The following CYB5R4 variants were observed in gnomAD, a reference collection of about 807,000 sequenced individuals.
CYB5R4 encodes the protein cytochrome b5 reductase 4, also known as N-terminal cytochrome b5 and cytochrome b5 oxidoreductase domain-containing protein.
Under a neutral mutation model 70.2 loss-of-function variants are expected in CYB5R4, and 55 were observed. The ratio of observed to expected loss-of-function variants is 0.78; its 90% CI spans 0.63 to 0.98. The LOEUF is 0.98. Ranked by LOEUF, CYB5R4 falls within the 50% of genes least tolerant of loss-of-function variation. The pLI, the probability that CYB5R4 is intolerant of heterozygous loss-of-function variation, is 0.00. For synonymous variants in CYB5R4, 197 were observed against 199.5 expected (o/e 0.99, Z 0.11); for missense variants, 562 against 612.6 (o/e 0.92, Z 0.87).
chr6:83,944,081 G>A (rs1053004423), intron 14 of CYB5R4, among the ~76,000 whole-genome samples: 1 of 152,100 alleles, frequency 6.6e-6, no homozygotes, highest in Non-Finnish European at 1.5e-5. Context: ...AGGAAATACA[G>A]AGAACACCAC....
rs559977093 is a variant in CYB5R4 at position 83,930,041 on chromosome 6, A to G, written c.815-4554A>G. ...TATTTACATTATACTTTAGTCTGTTAAGTATGCAATAGCATTATGTCTTAA... is the reference window on the plus strand; with the variant it reads ...TATTTACATTATACTTTAGTCTGTTGAGTATGCAATAGCATTATGTCTTAA... On this transcript the variant is annotated intron_variant, in intron 10 of 15. Coordinates refer to ENST00000369681, the MANE Select transcript of CYB5R4 (RefSeq NM_016230.4). Among the ~76,000 whole-genome samples the G allele has an allele frequency of 2.2e-4, 34 of 152,306 alleles. No homozygotes were observed. The South Asian group carries it at 5.6e-3, about 25-fold the overall frequency.
At chr6:83,865,582 ATT>A (rs970535384) in intron 2 of CYB5R4, among the ~76,000 whole-genome samples, 13 of 152,126 alleles carry the variant, frequency 8.5e-5, no homozygotes, top group African/African-American at 2.9e-4. Flanking sequence ...CTGTGGTCAG[ATT>A]TTCTGTTTTT....
intron 2 of CYB5R4, among the ~76,000 whole-genome samples, chr6:83,890,170 A>G (rs190552899): frequency 2.1e-3 from 315 of 152,330 alleles, no homozygotes; most frequent in African/African-American, 7.0e-3. Context: ...GATTCCTCTG[A>G]TGGATCTGGG....
rs531779325 is a variant in CYB5R4 at position 83,936,334 on chromosome 6, C to T, written c.1066C>T (p.Pro356Ser). ...KYIYFLIKIYPTGLFTPELDR... is the reference protein window; with the variant it reads ...KYIYFLIKIYSTGLFTPELDR... ...CATCTACTTTTTGATAAAAATCTAT[C>T]CCACTGGACTCTTCACACCAGAGCT... The change falls in exon 12 of 16, where the codon CCC becomes TCC. Residue 356 changes from proline to serine, a missense_variant. Coordinates refer to ENST00000369681, the MANE Select transcript of CYB5R4 (RefSeq NM_016230.4). 1 of 1,611,210 alleles carries T rather than the reference C, an allele frequency of 6.2e-7. No homozygotes were observed. The highest frequency in any genetic ancestry group is 1.7e-5 in the Admixed American group (1 of 58,972).
At chr6:83,957,407 G>C (rs932089987) in intron 15 of CYB5R4, among the ~76,000 whole-genome samples, 12 of 152,006 alleles carry the variant, frequency 7.9e-5, no homozygotes, top group Non-Finnish European at 2.9e-5. Flanking sequence ...GATCACCTGA[G>C]GTCAGGAGTT....
chr6:83,939,989 C>T, intron 12 of CYB5R4, 67 bp from the exon 13 acceptor site: 5 of 1,218,086 alleles, frequency 4.1e-6, no homozygotes, highest in South Asian at 1.6e-5. Flanking sequence ...CTTAGTTTCC[C>T]CGCTGGGTTT....
intron 2 of CYB5R4, among the ~76,000 whole-genome samples, chr6:83,868,964 C>T (rs891348686): frequency 6.6e-6 from 1 of 152,166 alleles, no homozygotes; most frequent in African/African-American, 2.4e-5. Flanking sequence ...AAAAAGTTGA[C>T]TACAGCCAAA....
intron 2 of CYB5R4, among the ~76,000 whole-genome samples, chr6:83,893,158 G>A (rs9359573): frequency 0.15 from 23,357 of 152,078 alleles, 3,509 homozygotes; most frequent in African/African-American, 0.37. Flanking sequence ...GTAATGCAGC[G>A]CATTAAGTGT....
chr6:83,951,608 A>G (rs544092755), intron 14 of CYB5R4, among the ~76,000 whole-genome samples: 8 of 152,314 alleles, frequency 5.3e-5, no homozygotes, highest in African/African-American at 1.9e-4. Context: ...TGCAAAGGAC[A>G]TGAACTCATC....
At chr6:83,861,425 C>T (rs1438505069) in intron 1 of CYB5R4, among the ~76,000 whole-genome samples, 1 of 152,158 alleles carries the variant, frequency 6.6e-6, no homozygotes, top group Non-Finnish European at 1.5e-5. Flanking sequence ...GTGTATTATA[C>T]AAAAGGTTCT....
intron 3 of CYB5R4, among the ~76,000 whole-genome samples, chr6:83,898,261 A>T (rs945565282): frequency 1.3e-5 from 2 of 152,164 alleles, no homozygotes; most frequent in Non-Finnish European, 1.5e-5. Context: ...TTTGTCAAAG[A>T]TCAGATAGTT....
intron 2 of CYB5R4, 27 bp downstream of exon 2, chr6:83,864,355 A>G (rs747697135): frequency 1.3e-6 from 2 of 1,588,070 alleles, no homozygotes; most frequent in South Asian, 1.2e-5. Context: ...AAGTCCTTCA[A>G]AAAATGTTGC....
Position 83,965,291 on chromosome 6 carries a change from A to G in CYB5R4, c.*5413A>G, listed in dbSNP as rs1272783114. The stretch of plus-strand genomic sequence containing the variant: ...CAGCCAGGATGGAGGCTGTACCCTG[A>G]AAGCCACAGGGCCAGAGCTGCCCAA... On this transcript the variant is annotated 3_prime_UTR_variant, in exon 16 of 16. Transcript: ENST00000369681. 1 of 152,312 alleles carries G rather than the reference A, an allele frequency of 6.6e-6. No individual in the cohort carries two copies. Among genetic ancestry groups the G allele is most frequent in the Non-Finnish European group, 1.5e-5 (1 of 68,118 alleles). The allele number at this position is 152,312 out of a possible 1,614,324, so 9.4% of individuals were successfully genotyped here. A position where few individuals can be genotyped will look rare whatever the true frequency, so the allele number is the denominator to read the frequency against.
At chr6:83,900,986 A>T (rs1401352837) in intron 3 of CYB5R4, among the ~76,000 whole-genome samples, 1 of 152,156 alleles carries the variant, frequency 6.6e-6, no homozygotes, top group African/African-American at 2.4e-5. Context: ...TAATATTGTT[A>T]TGTGTGAATT....
At chr6:83,900,262 T>G (rs2099462695) in intron 3 of CYB5R4, among the ~76,000 whole-genome samples, 1 of 152,182 alleles carries the variant, frequency 6.6e-6, no homozygotes, top group Non-Finnish European at 1.5e-5. Flanking sequence ...TCAGTTTCCA[T>G]GTAGTTGAGT....
intron 15 of CYB5R4, among the ~76,000 whole-genome samples, chr6:83,956,510 C>T (rs1433911949): frequency 1.3e-5 from 2 of 152,026 alleles, no homozygotes; most frequent in African/African-American, 4.8e-5. Flanking sequence ...TTGTGGAGAC[C>T]AAGGTTCTTT....
intron 12 of CYB5R4, 123 bp from the exon 13 acceptor site, chr6:83,939,933 T>G (rs547083047): frequency 2.8e-5 from 18 of 640,932 alleles, no homozygotes; most frequent in Non-Finnish European, 4.9e-5. Context: ...AGTTAAGTAT[T>G]TATACTGTTA....
At chr6:83,913,893 G>T (rs1217432669) in intron 4 of CYB5R4, among the ~76,000 whole-genome samples, 1 of 152,002 alleles carries the variant, frequency 6.6e-6, no homozygotes, top group Admixed American at 6.6e-5. Context: ...TTTTTCCTGG[G>T]TTTGTAACAC....
At chr6:83,941,480 G>A (rs2099469760) in intron 14 of CYB5R4, among the ~76,000 whole-genome samples, 1 of 152,116 alleles carries the variant, frequency 6.6e-6, no homozygotes, top group Non-Finnish European at 1.5e-5. Flanking sequence ...GTATATGAAA[G>A]GATGGTATAC....
Sources: gnomAD v4.1 joint callset for allele counts (sites outside exome capture counted in the v4.1 genomes callset) on GRCh38, gnomAD v4.1.1 for gene constraint, MANE v1.5 for transcripts, NCBI Gene and HGNC (gene_info 2026-07-23, HGNC 2026-07-21) for gene names.